The following DSCAM variants were observed in gnomAD, a reference collection of about 807,000 sequenced individuals.
The protein encoded by DSCAM is DS cell adhesion molecule, also known as cell adhesion molecule DSCAM.
A neutral mutation model predicts 217.7 loss-of-function variants in DSCAM; 47 were observed. The ratio of observed to expected loss-of-function variants is 0.22; its 90% CI spans 0.17 to 0.28. DSCAM has a LOEUF of 0.28. Ranked by LOEUF, DSCAM falls within the 10% of genes least tolerant of loss-of-function variation. The probability of loss-of-function intolerance (pLI) is 1.00; values close to 1 mark genes in which losing one functional copy is unlikely to be tolerated. For synonymous variants in DSCAM, 1,056 were observed against 1,015.3 expected, an observed-to-expected ratio of 1.04 and a Z score of -0.76; for missense variants, 2,080 against 2,618.3, an observed-to-expected ratio of 0.79 and a Z score of 4.49.
chr21:40,783,388 T>A (rs2091565015), intron 1 of DSCAM, among the ~76,000 whole-genome samples: 1 of 152,068 alleles, frequency 6.6e-6, no homozygotes, highest in African/African-American at 2.4e-5. Context: ...GGGGAGAAAT[T>A]GATGTGGAAT....
Position 40,142,580 on chromosome 21 carries a change from G to A in DSCAM, c.3384C>T (p.Tyr1128=). Residue 1128 remains tyrosine (Y), a synonymous_variant, in exon 18 of 33, where the codon TAC becomes TAT. Transcript: ENST00000400454. ...NGILQGFRVI[Y]WANLMDGELG... ...TACCTCCGTCCATGAGGTTGGCCCA[G>A]TAAATGACTCTGAACCCCTGGAGAA... 1 of 1,614,144 alleles carries A rather than the reference G, an allele frequency of 6.2e-7. No individual in the cohort carries two copies. The highest frequency in any genetic ancestry group is 1.1e-5 in the South Asian group (1 of 91,076).
At chr21:40,093,474 C>T (rs888590681) in intron 21 of DSCAM, among the ~76,000 whole-genome samples, 26 of 152,148 alleles carry the variant, frequency 1.7e-4, no homozygotes, top group Non-Finnish European at 2.9e-5. Flanking sequence ...GGGCTCCTTT[C>T]CTAATTTTCA....
intron 1 of DSCAM, among the ~76,000 whole-genome samples, chr21:40,760,614 CAA>C (rs1479625950): frequency 6.6e-6 from 1 of 152,204 alleles, no homozygotes; most frequent in Non-Finnish European, 1.5e-5. Context: ...TTCAAGCAGG[CAA>C]GAGTCAAGGA....
At chr21:40,452,345 A>G (rs2145931240) in intron 3 of DSCAM, among the ~76,000 whole-genome samples, 1 of 152,158 alleles carries the variant, frequency 6.6e-6, no homozygotes, top group African/African-American at 2.4e-5. Context: ...TGAGTATTCA[A>G]ATCTGATTTC....
chr21:40,613,497 A>G (rs1363828759), intron 3 of DSCAM, among the ~76,000 whole-genome samples: 1 of 152,212 alleles, frequency 6.6e-6, no homozygotes, highest in Non-Finnish European at 1.5e-5. Context: ...GCAAAATTAA[A>G]CAAGAGATTT....
chr21:40,840,997 C>CA (rs1419858358), intron 1 of DSCAM, among the ~76,000 whole-genome samples: 3 of 152,176 alleles, frequency 2.0e-5, no homozygotes, highest in African/African-American at 7.2e-5. Flanking sequence ...TCAGGCTTCG[C>CA]ACGCATTTCA....
chr21:40,066,740 G>T (rs1321504525), intron 27 of DSCAM, among the ~76,000 whole-genome samples: 1 of 152,226 alleles, frequency 6.6e-6, no homozygotes, highest in East Asian at 1.9e-4. Context: ...GATGTATGTG[G>T]CCTCCAAGAT....
In DSCAM at chr21:40,288,802, T is replaced by C. The variant is rs371711788; in HGVS notation, c.2182+7253A>G. ...CATAATAAATGCTTTCTATGAGTCA[T>C]CTTACTAAATCATCACATTTATCCC... On this transcript the variant is annotated intron_variant, in intron 10 of 32. Transcript: ENST00000400454. Among the ~76,000 whole-genome samples, 64 of 152,322 alleles carry C rather than the reference T, an allele frequency of 4.2e-4. No homozygotes were observed. In the South Asian group the frequency reaches 8.9e-3, roughly 21 times the overall value.
intron 3 of DSCAM, among the ~76,000 whole-genome samples, chr21:40,528,420 G>C (rs542984896): frequency 6.6e-6 from 1 of 152,264 alleles, no homozygotes; most frequent in South Asian, 2.1e-4. Flanking sequence ...TATACATAGA[G>C]TGTGTAGAAA....
chr21:40,655,417 T>G (rs1426680807), intron 3 of DSCAM, among the ~76,000 whole-genome samples: 1 of 151,118 alleles, frequency 6.6e-6, no homozygotes, highest in East Asian at 2.0e-4. Flanking sequence ...GGGCAAAAGG[T>G]GCTATTGTGC....
At chr21:40,046,010 TACGTGATAAAACTATAACCCAA>T (rs1206950284) in intron 30 of DSCAM, among the ~76,000 whole-genome samples, 21 of 152,332 alleles carry the variant, frequency 1.4e-4, no homozygotes, top group African/African-American at 4.6e-4. Context: ...ACATAGCTGT[TACGTGATAAAACTATAACCCAA>T]ACCTTCTGCC....
intron 3 of DSCAM, among the ~76,000 whole-genome samples, chr21:40,537,653 T>A (rs982382693): frequency 6.6e-6 from 1 of 151,984 alleles, no homozygotes; most frequent in African/African-American, 2.4e-5. Context: ...TAGGAGAAAT[T>A]TGGACACAGA....
chr21:40,073,461 G>A (rs1173032473), intron 27 of DSCAM, among the ~76,000 whole-genome samples: 2 of 152,112 alleles, frequency 1.3e-5, no homozygotes, highest in Admixed American at 6.5e-5. Flanking sequence ...TAAAGTCCAG[G>A]CCACTGTGAA....
chr21:40,013,071 C>A lies in DSCAM; in HGVS notation c.6002G>T (p.Gly2001Val), dbSNP rs771097538. ...SLLDSRGHLK[G>V]NNPYAKSYTL... Reference sequence around the variant, plus strand: ...GTAAGATTTTGCGTAAGGATTGTTTCCTTTCAAATGGCCCCGGGAGTCGAG... The same window carrying A: ...GTAAGATTTTGCGTAAGGATTGTTTACTTTCAAATGGCCCCGGGAGTCGAG... Residue 2001 changes from glycine to valine, a missense_variant, in exon 33 of 33, where the codon GGA becomes GTA. Physicochemically the swap from Gly to Val is moderately radical, Grantham distance 109 (BLOSUM62 -3). Transcript: ENST00000400454. 6 of 1,555,810 alleles carry A rather than the reference C, an allele frequency of 3.9e-6. No homozygotes were observed. The highest frequency in any genetic ancestry group is 5.2e-6 in the Non-Finnish European group (6 of 1,148,500).
intron 3 of DSCAM, among the ~76,000 whole-genome samples, chr21:40,594,272 G>C (rs1340822142): frequency 2.0e-5 from 3 of 152,192 alleles, no homozygotes; most frequent in African/African-American, 7.2e-5. Context: ...CTGGACATGT[G>C]TGGCTGGTGG....
chr21:40,399,295 A>ACAAAG (rs1491501928), intron 3 of DSCAM, among the ~76,000 whole-genome samples: 1 of 150,674 alleles, frequency 6.6e-6, no homozygotes, highest in Non-Finnish European at 1.5e-5. Flanking sequence ...ACAAAACAAA[A>ACAAAG]CAAAACAAAA....
chr21:40,276,055 T>C (rs745767056), intron 11 of DSCAM, 42 bp downstream of exon 11: 42 of 1,494,446 alleles, frequency 2.8e-5, no homozygotes, highest in Middle Eastern at 1.8e-4. Context: ...CAGAGACCTA[T>C]GTATTTAAAC....
At chr21:40,155,859 G>A (rs553157526) in intron 16 of DSCAM, among the ~76,000 whole-genome samples, 1 of 152,136 alleles carries the variant, frequency 6.6e-6, no homozygotes, top group Non-Finnish European at 1.5e-5. Flanking sequence ...AGGCAGGAAA[G>A]GAGGGTGAAG....
chr21:40,525,257 T>A (rs1223584204), intron 3 of DSCAM, among the ~76,000 whole-genome samples: 1 of 152,152 alleles, frequency 6.6e-6, no homozygotes, highest in African/African-American at 2.4e-5. Flanking sequence ...ATTACATAAA[T>A]ATACTTGGAA....
Sources: allele counts gnomAD v4.1 joint callset (sites outside exome capture counted in the v4.1 genomes callset), GRCh38; gene constraint gnomAD v4.1.1; transcripts MANE v1.5; gene names NCBI Gene and HGNC (gene_info 2026-07-23, HGNC 2026-07-21).